The following LRRC37A2 variants were observed in gnomAD, a reference collection of about 807,000 sequenced individuals.
The protein encoded by LRRC37A2 is leucine rich repeat containing 37 member A2, also known as leucine-rich repeat-containing protein 37A2.
A neutral mutation model predicts 68.8 loss-of-function variants in LRRC37A2; 9 were observed. The observed-to-expected ratio is 0.13, with a 90% CI of 0.08 to 0.23. LRRC37A2 has a LOEUF of 0.23. Ranked by LOEUF, LRRC37A2 falls within the 10% of genes least tolerant of loss-of-function variation. The pLI, the probability that LRRC37A2 is intolerant of heterozygous loss-of-function variation, is 1.00. For synonymous variants in LRRC37A2, 63 were observed against 367.6 expected, an observed-to-expected ratio of 0.17 and a Z score of 9.48; for missense variants, 168 against 950.4, an observed-to-expected ratio of 0.18 and a Z score of 10.82.
At chr17:46,940,502 A>C in the LRRC37A2 span, 1 of 1,613,632 alleles carries the variant, frequency 6.2e-7, no homozygotes, top group Middle Eastern at 1.6e-4. Flanking sequence ...GACTTTTGGT[A>C]ATCCATAAAA....
chr17:46,737,725 G>A, the LRRC37A2 span, among the ~76,000 whole-genome samples: 2 of 151,976 alleles, frequency 1.3e-5, no homozygotes, highest in East Asian at 1.9e-4. Flanking sequence ...GGAACATAAA[G>A]GAAAGTGTGG....
chr17:46,878,022 A>C, the LRRC37A2 span, among the ~76,000 whole-genome samples: 1 of 152,152 alleles, frequency 6.6e-6, no homozygotes, highest in African/African-American at 2.4e-5. Flanking sequence ...AGAGACTGGT[A>C]CCTCCACACA....
the LRRC37A2 span, among the ~76,000 whole-genome samples, chr17:46,449,901 G>A: frequency 9.5e-6 from 1 of 105,208 alleles, no homozygotes; most frequent in Non-Finnish European, 2.1e-5. Context: ...GACTAGAAAA[G>A]TGGGACTCTT....
chr17:46,960,277 A>G, the LRRC37A2 span, among the ~76,000 whole-genome samples: 1 of 152,226 alleles, frequency 6.6e-6, no homozygotes, highest in Non-Finnish European at 1.5e-5. Context: ...AATAGAAGAC[A>G]AATTAGACAC....
chr17:46,729,923 A>G, the LRRC37A2 span, among the ~76,000 whole-genome samples: 1 of 152,124 alleles, frequency 6.6e-6, no homozygotes, highest in Admixed American at 6.6e-5. Context: ...GATTTGCAAC[A>G]TATGTGTACT....
chr17:47,011,914 T>C, the LRRC37A2 span, among the ~76,000 whole-genome samples: 1 of 152,202 alleles, frequency 6.6e-6, no homozygotes, highest in Non-Finnish European at 1.5e-5. Context: ...GAGATGTTAA[T>C]TTTGATTGCA....
chr17:46,923,312 G>C, the LRRC37A2 span: 1,028 of 1,543,054 alleles, frequency 6.7e-4, 3 homozygotes, highest in South Asian at 1.6e-3. Context: ...CGTCAGCCAG[G>C]GTAGAGGCCG....
the LRRC37A2 span, among the ~76,000 whole-genome samples, chr17:46,898,851 T>C: frequency 6.6e-6 from 1 of 152,238 alleles, no homozygotes; most frequent in East Asian, 1.9e-4. Context: ...GAAAACGGTC[T>C]GGCAGTTCCT....
chr17:46,601,869 C>T, the LRRC37A2 span, among the ~76,000 whole-genome samples: 1 of 148,858 alleles, frequency 6.7e-6, no homozygotes, highest in Non-Finnish European at 1.5e-5. Context: ...AACTTAATCC[C>T]CACTCCTTTA....
At chr17:46,872,618 T>C in the LRRC37A2 span, 1 of 1,613,172 alleles carries the variant, frequency 6.2e-7, no homozygotes, top group Non-Finnish European at 8.5e-7. Context: ...CTGCTGAAGC[T>C]GTCCCGGCGG....
the LRRC37A2 span, among the ~76,000 whole-genome samples, chr17:46,779,208 C>T: frequency 6.6e-6 from 1 of 152,198 alleles, no homozygotes. Context: ...TGATGCCCCT[C>T]ACTCGCCAGA....
the LRRC37A2 span, among the ~76,000 whole-genome samples, chr17:46,987,905 C>T: frequency 0.72 from 108,844 of 152,156 alleles, 39,586 homozygotes; most frequent in Middle Eastern, 0.78. Context: ...GGTGCTGTGG[C>T]TCATGCCTGT....
the LRRC37A2 span, chr17:47,019,428 A>G: frequency 1.2e-6 from 2 of 1,611,028 alleles, no homozygotes; most frequent in Admixed American, 1.7e-5. Flanking sequence ...GGAGACCTCA[A>G]CTCAGCCTCC....
At chr17:46,498,050 T>A in the LRRC37A2 span, among the ~76,000 whole-genome samples, 1 of 144,070 alleles carries the variant, frequency 6.9e-6, no homozygotes, top group Non-Finnish European at 1.5e-5. Context: ...TCCCTCAGCC[T>A]CCCGAGTAGC....
At chr17:46,940,813 C>G in the LRRC37A2 span, 1 of 1,473,736 alleles carries the variant, frequency 6.8e-7, no homozygotes, top group Non-Finnish European at 9.0e-7. Flanking sequence ...GTCTTTACCA[C>G]CTGCGGCTGG....
the LRRC37A2 span, among the ~76,000 whole-genome samples, chr17:46,730,560 T>TACAAAA: frequency 6.6e-6 from 1 of 152,188 alleles, no homozygotes; most frequent in Non-Finnish European, 1.5e-5. Flanking sequence ...TTGTAAAACT[T>TACAAAA]ATTGTAAGAT....
chr17:46,950,869 C>G, the LRRC37A2 span, among the ~76,000 whole-genome samples: 1 of 152,210 alleles, frequency 6.6e-6, no homozygotes, highest in Admixed American at 6.5e-5. Flanking sequence ...GCCAGACTTT[C>G]TGGGGGAGAA....
the LRRC37A2 span, among the ~76,000 whole-genome samples, chr17:46,398,126 C>CAAA: frequency 1.6e-5 from 1 of 62,572 alleles, no homozygotes; most frequent in East Asian, 3.6e-4. Context: ...CCTTGCCTCA[C>CAAA]AAAAAAAAAA....
the LRRC37A2 span, among the ~76,000 whole-genome samples, chr17:46,953,844 G>T: frequency 6.6e-6 from 1 of 152,202 alleles, no homozygotes; most frequent in Non-Finnish European, 1.5e-5. Flanking sequence ...CTTCTTTTGA[G>T]AAGTGTATGT....
Sources: allele counts gnomAD v4.1 joint callset (sites outside exome capture counted in the v4.1 genomes callset), GRCh38; gene constraint gnomAD v4.1.1; transcripts MANE v1.5; gene names NCBI Gene and HGNC (gene_info 2026-07-23, HGNC 2026-07-21).